PDE12: variants seen among roughly 807,000 people sequenced by gnomAD.
The protein encoded by PDE12 is phosphodiesterase 12.
A neutral mutation model predicts 45.4 loss-of-function variants in PDE12; 26 were observed. The ratio of observed to expected loss-of-function variants is 0.57; its 90% CI spans 0.42 to 0.79. PDE12 has a LOEUF of 0.79. Among genes scored for constraint, PDE12 ranks in the 30% least tolerant of loss-of-function variants. The pLI is 0.00. For synonymous variants in PDE12, 283 were observed against 323.9 expected (o/e 0.87, Z 1.36); for missense variants, 668 against 790.0 (o/e 0.85, Z 1.85).
the PDE12 span, among the ~76,000 whole-genome samples, chr3:57,613,368 A>C: frequency 4.8e-5 from 7 of 146,772 alleles, no homozygotes; most frequent in African/African-American, 1.5e-4. Context: ...ATCTCGGCTC[A>C]CTGCAACCTC....
At chr3:57,559,136 G>A (rs2069698501) in intron 1 of PDE12, among the ~76,000 whole-genome samples, 174 bp from the exon 2 acceptor site, 3 of 152,054 alleles carry the variant, frequency 2.0e-5, no homozygotes, top group Non-Finnish European at 4.4e-5. Context: ...CAGGGGAATC[G>A]CTTGAACCCG....
At chr3:57,602,464 A>T in the PDE12 span, among the ~76,000 whole-genome samples, 1 of 152,198 alleles carries the variant, frequency 6.6e-6, no homozygotes, top group African/African-American at 2.4e-5. Context: ...TGGTATGTGA[A>T]TTCTGAGTGT....
At chr3:57,577,409 A>G in the PDE12 span, 4 of 1,595,448 alleles carry the variant, frequency 2.5e-6, no homozygotes, top group South Asian at 3.3e-5. Context: ...TTGTTTCAGT[A>G]AATTTTAACA....
Position 57,563,315 on chromosome 3 carries a change from G to A in PDE12, c.*3311G>A, listed in dbSNP as rs1348791291. The A allele has an allele frequency of 6.6e-6, 1 of 152,006 alleles. No individual in the cohort carries two copies. Among genetic ancestry groups the A allele is most frequent in the Non-Finnish European group, 1.5e-5 (1 of 68,006 alleles). The allele number at this position is 152,006 out of a possible 1,614,324, so 9.4% of individuals were successfully genotyped here. A position where few individuals can be genotyped will look rare whatever the true frequency, so the allele number is the denominator to read the frequency against. On this transcript the variant is annotated 3_prime_UTR_variant, in exon 3 of 3. Coordinates refer to ENST00000311180, the MANE Select transcript of PDE12 (RefSeq NM_177966.7). ...GCGTCCCAAGTAGTTGAGATTACAA[G>A]CCCAACCTTCCATAACTGAAAACTA...
At chr3:57,605,215 G>T in the PDE12 span, among the ~76,000 whole-genome samples, 1 of 152,130 alleles carries the variant, frequency 6.6e-6, no homozygotes, top group East Asian at 1.9e-4. Flanking sequence ...TCTTTGAGCC[G>T]AGAGTCTAGG....
the PDE12 span, among the ~76,000 whole-genome samples, chr3:57,580,114 A>G: frequency 6.6e-6 from 1 of 152,074 alleles, no homozygotes. Context: ...CAAAAACAAA[A>G]AATAATGTTT....
At chr3:57,613,427 G>A in the PDE12 span, among the ~76,000 whole-genome samples, 3 of 151,156 alleles carry the variant, frequency 2.0e-5, no homozygotes, top group African/African-American at 7.3e-5. Flanking sequence ...CCAAGTAGCT[G>A]CGATTACAAG....
chr3:57,590,148 A>AAAC, the PDE12 span, among the ~76,000 whole-genome samples: 8 of 151,050 alleles, frequency 5.3e-5, no homozygotes, highest in South Asian at 6.2e-4. Flanking sequence ...AAAAAACAAA[A>AAAC]AAAGAACATC....
the PDE12 span, chr3:57,630,815 G>C: frequency 5.6e-6 from 9 of 1,613,732 alleles, no homozygotes; most frequent in Non-Finnish European, 7.6e-6. Context: ...TGTCTTAATT[G>C]AGGTGGACTC....
the PDE12 span, chr3:57,634,434 CAA>C: frequency 0.12 from 33,993 of 278,506 alleles, 3 homozygotes; most frequent in Middle Eastern, 0.19. Context: ...CTCTGTCTCC[CAA>C]AAAAAAAAAA....
the PDE12 span, among the ~76,000 whole-genome samples, chr3:57,609,727 T>C: frequency 6.6e-6 from 1 of 152,120 alleles, no homozygotes; most frequent in East Asian, 1.9e-4. Flanking sequence ...GGCTCTGAAA[T>C]TGAGGCAATA....
At chr3:57,650,291 A>AT in the PDE12 span, among the ~76,000 whole-genome samples, 1 of 152,100 alleles carries the variant, frequency 6.6e-6, no homozygotes, top group Non-Finnish European at 1.5e-5. Flanking sequence ...ACCTTTTGAA[A>AT]TAAACAAAAA....
the PDE12 span, among the ~76,000 whole-genome samples, chr3:57,603,554 C>T: frequency 6.6e-6 from 1 of 150,810 alleles, no homozygotes; most frequent in Non-Finnish European, 1.5e-5. Context: ...CTAGGCTGGT[C>T]TTGAACTCCT....
the PDE12 span, chr3:57,601,011 C>G: frequency 3.9e-5 from 6 of 152,268 alleles, no homozygotes; most frequent in African/African-American, 1.4e-4. Context: ...AAGCCATGTA[C>G]TTCATTTAAT....
chr3:57,617,299 C>CTG, the PDE12 span, among the ~76,000 whole-genome samples: 1 of 151,616 alleles, frequency 6.6e-6, no homozygotes, highest in Non-Finnish European at 1.5e-5. Context: ...CAGTTACTTA[C>CTG]AGGCTGAGGC....
chr3:57,598,637 C>T, the PDE12 span, among the ~76,000 whole-genome samples: 1 of 152,042 alleles, frequency 6.6e-6, no homozygotes, highest in Non-Finnish European at 1.5e-5. Context: ...ATAAATTAAC[C>T]GGGCGTGGTG....
At chr3:57,597,780 G>C in the PDE12 span, 1 of 152,558 alleles carries the variant, frequency 6.6e-6, no homozygotes, top group Non-Finnish European at 1.5e-5. Context: ...CTTCTATTAC[G>C]GTACGCGCGA....
chr3:57,593,256 A>G, the PDE12 span, among the ~76,000 whole-genome samples: 1 of 152,232 alleles, frequency 6.6e-6, no homozygotes, highest in African/African-American at 2.4e-5. Flanking sequence ...ATGACAGAAT[A>G]GTGGAATTAC....
chr3:57,595,027 C>T, the PDE12 span, among the ~76,000 whole-genome samples: 9 of 152,130 alleles, frequency 5.9e-5, no homozygotes, highest in Non-Finnish European at 1.3e-4. Context: ...CGATAGCATG[C>T]CTGAGTAATA....
Sources: gnomAD v4.1 joint callset for allele counts (sites outside exome capture counted in the v4.1 genomes callset) on GRCh38, gnomAD v4.1.1 for gene constraint, MANE v1.5 for transcripts, NCBI Gene and HGNC (gene_info 2026-07-23, HGNC 2026-07-21) for gene names.